The following FSTL4 variants were observed in gnomAD, a reference collection of about 807,000 sequenced individuals.
The protein encoded by FSTL4 is follistatin-related protein 4.
FSTL4 carries 28 observed loss-of-function variants against 78.2 expected under a neutral mutation model. The observed-to-expected ratio is 0.36, with a 90% confidence interval of 0.27 to 0.49. FSTL4 has a LOEUF of 0.49. FSTL4 is among the 20% of genes least tolerant of loss of function. The pLI is 0.98. For synonymous variants in FSTL4, 422 were observed against 440.5 expected (o/e 0.96, Z 0.53); for missense variants, 922 against 1,084.9 (o/e 0.85, Z 2.11).
At chr5:133,674,097 C>T in the FSTL4 span, among the ~76,000 whole-genome samples, 1 of 152,160 alleles carries the variant, frequency 6.6e-6, no homozygotes, top group African/African-American at 2.4e-5. Context: ...TGGGGGCCTG[C>T]ACGGGGGCTC....
At chr5:133,532,269 C>T (rs1759269609) in intron 3 of FSTL4, among the ~76,000 whole-genome samples, 2 of 152,190 alleles carry the variant, frequency 1.3e-5, no homozygotes, top group South Asian at 4.1e-4. Flanking sequence ...AGAAGAACTG[C>T]CTCTGCACTT....
At chr5:133,432,164 A>C (rs1431950253) in intron 3 of FSTL4, among the ~76,000 whole-genome samples, 1 of 152,208 alleles carries the variant, frequency 6.6e-6, no homozygotes, top group East Asian at 1.9e-4. Context: ...TCTTTAAAAA[A>C]AATAGATTAG....
chr5:133,551,562 T>C (rs1341248058), intron 3 of FSTL4, among the ~76,000 whole-genome samples: 1 of 152,240 alleles, frequency 6.6e-6, no homozygotes, highest in Admixed American at 6.5e-5. Flanking sequence ...GCCATGCTCA[T>C]GCTCCGCTGA....
At chr5:133,495,212 C>G (rs968503720) in intron 3 of FSTL4, among the ~76,000 whole-genome samples, 6 of 152,126 alleles carry the variant, frequency 3.9e-5, no homozygotes, top group African/African-American at 1.2e-4. Context: ...TATTAATGAG[C>G]AAGGCCAAAA....
At chr5:133,565,624 T>G (rs530682368) in intron 3 of FSTL4, among the ~76,000 whole-genome samples, 1 of 152,308 alleles carries the variant, frequency 6.6e-6, no homozygotes, top group Middle Eastern at 3.4e-3. Flanking sequence ...TACAGATGAA[T>G]GGAGTGCAGC....
At chr5:133,633,139 C>T in the FSTL4 span, among the ~76,000 whole-genome samples, 11 of 152,242 alleles carry the variant, frequency 7.2e-5, no homozygotes, top group East Asian at 2.1e-3. Flanking sequence ...ATTTATCCTG[C>T]TTGGAGTTTG....
At chr5:133,582,347 C>T (rs1760433337) in intron 2 of FSTL4, among the ~76,000 whole-genome samples, 1 of 152,226 alleles carries the variant, frequency 6.6e-6, no homozygotes, top group Non-Finnish European at 1.5e-5. Context: ...TCAGTTTCCT[C>T]ATCTGCAAAA....
intron 2 of FSTL4, among the ~76,000 whole-genome samples, chr5:133,578,476 C>T (rs1760331508): frequency 6.6e-6 from 1 of 152,328 alleles, no homozygotes; most frequent in South Asian, 2.1e-4. Context: ...CTGTCCAGGG[C>T]TTTCTGACAG....
the FSTL4 span, among the ~76,000 whole-genome samples, chr5:133,655,577 C>A: frequency 6.6e-6 from 1 of 152,150 alleles, no homozygotes; most frequent in African/African-American, 2.4e-5. Context: ...GTACTAGGAA[C>A]TGGGGATGTA....
the FSTL4 span, among the ~76,000 whole-genome samples, chr5:133,715,276 C>T: frequency 6.6e-6 from 1 of 152,156 alleles, no homozygotes; most frequent in South Asian, 2.1e-4. Context: ...AAATATCCAG[C>T]TTGATGCTGT....
the FSTL4 span, among the ~76,000 whole-genome samples, chr5:133,644,244 GA>G: frequency 1.3e-5 from 2 of 152,272 alleles, no homozygotes; most frequent in Non-Finnish European, 2.9e-5. Context: ...TGCTAAAAAA[GA>G]CCATTCCATT....
intron 14 of FSTL4, chr5:133,208,228 T>TC (rs1249036309): frequency 2.6e-5 from 4 of 152,276 alleles, no homozygotes; most frequent in Non-Finnish European, 5.9e-5. Context: ...CTCCCTGAGT[T>TC]CCTGCGTACC....
At chr5:133,430,505 A>G (rs1756911518) in intron 3 of FSTL4, among the ~76,000 whole-genome samples, 1 of 152,164 alleles carries the variant, frequency 6.6e-6, no homozygotes, top group Admixed American at 6.5e-5. Context: ...CAAGCCAGAG[A>G]CCTTACAAGT....
At chr5:133,200,144 G>C (rs1750275153) in intron 15 of FSTL4, among the ~76,000 whole-genome samples, 1 of 152,236 alleles carries the variant, frequency 6.6e-6, no homozygotes. Context: ...AGAAAGGGGA[G>C]AGTCTGTGTC....
the FSTL4 span, among the ~76,000 whole-genome samples, chr5:133,761,911 C>T: frequency 4.6e-5 from 7 of 152,094 alleles, no homozygotes; most frequent in East Asian, 1.3e-3. Flanking sequence ...ACATTGTCAG[C>T]TGCATCTATT....
intron 13 of FSTL4, among the ~76,000 whole-genome samples, chr5:133,217,007 T>C (rs1390971353): frequency 1.3e-5 from 2 of 152,210 alleles, no homozygotes; most frequent in African/African-American, 2.4e-5. Context: ...TGATTTATGG[T>C]CCCCAACTAG....
intron 1 of FSTL4, among the ~76,000 whole-genome samples, chr5:133,606,140 G>A (rs1005949059): frequency 1.1e-4 from 17 of 152,192 alleles, no homozygotes; most frequent in African/African-American, 3.9e-4. Context: ...GTTTTCTTGA[G>A]ATGGAGTTTC....
chr5:133,496,719 G>A (rs1758373366), intron 3 of FSTL4, among the ~76,000 whole-genome samples: 1 of 152,208 alleles, frequency 6.6e-6, no homozygotes, highest in African/African-American at 2.4e-5. Flanking sequence ...CCCTGCCTTT[G>A]CCCCATTCTG....
the FSTL4 span, among the ~76,000 whole-genome samples, chr5:133,793,272 G>T: frequency 1.5e-4 from 23 of 152,290 alleles, no homozygotes; most frequent in East Asian, 2.9e-3. Flanking sequence ...ATGATTTTAG[G>T]TAAACTCATA....
Sources: gnomAD v4.1 joint callset for allele counts (sites outside exome capture counted in the v4.1 genomes callset) on GRCh38, gnomAD v4.1.1 for gene constraint, MANE v1.5 for transcripts, NCBI Gene and HGNC (gene_info 2026-07-23, HGNC 2026-07-21) for gene names.